Variants in SYNDIG1 observed in about 807,000 individuals in gnomAD.
SYNDIG1 encodes the protein synapse differentiation inducing 1, also known as synapse differentiation-inducing gene protein 1.
A neutral mutation model predicts 19.4 loss-of-function variants in SYNDIG1; 9 were observed. The observed-to-expected ratio is 0.46, with a 90% CI of 0.28 to 0.81. The LOEUF (loss-of-function observed/expected upper bound fraction) is 0.81. Ranked by LOEUF, SYNDIG1 falls within the 30% of genes least tolerant of loss-of-function variation. SYNDIG1 has a pLI of 0.12. For missense variants in SYNDIG1, 311 were observed against 343.3 expected, an observed-to-expected ratio of 0.91 and a Z score of 0.74; for synonymous variants, 141 against 145.9, an observed-to-expected ratio of 0.97 and a Z score of 0.24.
chr20:24,618,917 T>A (rs144793817), intron 3 of SYNDIG1, among the ~76,000 whole-genome samples: 1 of 152,160 alleles, frequency 6.6e-6, no homozygotes, highest in African/African-American at 2.4e-5. Context: ...GGGCTTGTAT[T>A]TCCTTAATTG....
At chr20:24,615,161 G>A (rs1487362477) in intron 3 of SYNDIG1, among the ~76,000 whole-genome samples, 2 of 152,176 alleles carry the variant, frequency 1.3e-5, no homozygotes, top group Admixed American at 1.3e-4. Flanking sequence ...GATGTAATTG[G>A]TCCACACAGC....
At chr20:24,567,950 A>G (rs2058080166) in intron 2 of SYNDIG1, among the ~76,000 whole-genome samples, 2 of 152,198 alleles carry the variant, frequency 1.3e-5, no homozygotes, top group Admixed American at 6.5e-5. Flanking sequence ...CCTGGCCAAC[A>G]TGGTGAAACC....
At chr20:24,652,046 G>C (rs1175309012) in intron 3 of SYNDIG1, among the ~76,000 whole-genome samples, 1 of 152,128 alleles carries the variant, frequency 6.6e-6, no homozygotes, top group Non-Finnish European at 1.5e-5. Context: ...CAAATTATGA[G>C]ACAGAAAAAA....
chr20:24,611,799 T>C (rs1330988960), intron 3 of SYNDIG1, among the ~76,000 whole-genome samples: 1 of 152,234 alleles, frequency 6.6e-6, no homozygotes, highest in East Asian at 1.9e-4. Flanking sequence ...CCTTTGAGCA[T>C]TCTAAGCTCA....
chr20:24,533,304 G>T (rs963865347), intron 1 of SYNDIG1, among the ~76,000 whole-genome samples: 1 of 152,076 alleles, frequency 6.6e-6, no homozygotes, highest in African/African-American at 2.4e-5. Context: ...AGCTCTTTCT[G>T]GTGGTTTCTG....
chr20:24,505,175 G>A (rs539498596), intron 1 of SYNDIG1, among the ~76,000 whole-genome samples: 13 of 152,244 alleles, frequency 8.5e-5, no homozygotes, highest in East Asian at 3.9e-4. Flanking sequence ...GTGGCACCGC[G>A]GGCTACAGGG....
At chr20:24,566,637 C>T (rs2058047570) in intron 2 of SYNDIG1, among the ~76,000 whole-genome samples, 1 of 152,152 alleles carries the variant, frequency 6.6e-6, no homozygotes, top group African/African-American at 2.4e-5. Context: ...AAAGTGTACT[C>T]CATGGAATCC....
intron 3 of SYNDIG1, among the ~76,000 whole-genome samples, chr20:24,609,525 G>T (rs1287520390): frequency 6.6e-6 from 1 of 152,238 alleles, no homozygotes; most frequent in Non-Finnish European, 1.5e-5. Flanking sequence ...AGCAGAGGAT[G>T]ATGAGTCCCT....
At chr20:24,662,324 C>T (rs1002498566) in intron 3 of SYNDIG1, among the ~76,000 whole-genome samples, 10 of 152,040 alleles carry the variant, frequency 6.6e-5, no homozygotes, top group African/African-American at 7.2e-5. Flanking sequence ...ATTTAAAAAT[C>T]GGGTCTTCTA....
At chr20:24,542,072 G>T (rs1234307266) in intron 1 of SYNDIG1, among the ~76,000 whole-genome samples, 1 of 152,152 alleles carries the variant, frequency 6.6e-6, no homozygotes, top group Non-Finnish European at 1.5e-5. Context: ...TGTTGAAAGA[G>T]ATATCGAAGG....
At chr20:24,634,490 T>C (rs2059294959) in intron 3 of SYNDIG1, among the ~76,000 whole-genome samples, 1 of 152,236 alleles carries the variant, frequency 6.6e-6, no homozygotes, top group Non-Finnish European at 1.5e-5. Context: ...CCAGTTTTCA[T>C]TCCTATTAAC....
At chr20:24,662,746 A>T (rs991488039) in intron 3 of SYNDIG1, among the ~76,000 whole-genome samples, 1 of 152,236 alleles carries the variant, frequency 6.6e-6, no homozygotes, top group Admixed American at 6.5e-5. Context: ...TTATTTTCCA[A>T]TGAAAGGCCA....
At chr20:24,656,190 C>T (rs772419852) in intron 3 of SYNDIG1, among the ~76,000 whole-genome samples, 84 of 152,280 alleles carry the variant, frequency 5.5e-4, no homozygotes, top group African/African-American at 1.9e-3. Flanking sequence ...GCACAGAGCA[C>T]TTCTCTATGA....
At chr20:24,660,491 G>A (rs2059572989) in intron 3 of SYNDIG1, among the ~76,000 whole-genome samples, 2 of 152,144 alleles carry the variant, frequency 1.3e-5, no homozygotes, top group Admixed American at 1.3e-4. Context: ...AGCAGGCCTG[G>A]CCTCAGGAGG....
chr20:24,505,393 G>A (rs1193941436), intron 1 of SYNDIG1, among the ~76,000 whole-genome samples: 1 of 152,108 alleles, frequency 6.6e-6, no homozygotes, highest in African/African-American at 2.4e-5. Context: ...TGGCGTTTAG[G>A]ACCCCCTCAG....
intron 2 of SYNDIG1, among the ~76,000 whole-genome samples, chr20:24,580,769 C>T (rs1051885221): frequency 6.6e-6 from 1 of 152,146 alleles, no homozygotes; most frequent in African/African-American, 2.4e-5. Context: ...CATCTAGCCT[C>T]AGCTTGGTAA....
intron 3 of SYNDIG1, among the ~76,000 whole-genome samples, chr20:24,591,306 A>G (rs1412450977): frequency 2.6e-5 from 4 of 152,140 alleles, no homozygotes; most frequent in Non-Finnish European, 5.9e-5. Context: ...AGGCAGGAAG[A>G]TCACTTGAGC....
At chr20:24,590,226 G>A (rs1041940605) in intron 3 of SYNDIG1, among the ~76,000 whole-genome samples, 1 of 152,034 alleles carries the variant, frequency 6.6e-6, no homozygotes, top group African/African-American at 2.4e-5. Context: ...CAGACAGAGA[G>A]GCCTGCAGTG....
chr20:24,629,085 C>T (rs1420622612), intron 3 of SYNDIG1, among the ~76,000 whole-genome samples: 2 of 152,208 alleles, frequency 1.3e-5, no homozygotes, highest in Non-Finnish European at 2.9e-5. Flanking sequence ...GAATGCAGAG[C>T]TTGGACAGTG....
Sources: gnomAD v4.1 joint callset for allele counts (sites outside exome capture counted in the v4.1 genomes callset) on GRCh38, gnomAD v4.1.1 for gene constraint, MANE v1.5 for transcripts, NCBI Gene and HGNC (gene_info 2026-07-23, HGNC 2026-07-21) for gene names.